Variants in CSMD1 observed in about 807,000 individuals in gnomAD.
CSMD1 encodes the protein CUB and Sushi multiple domains 1.
In CSMD1, 213 loss-of-function variants were observed where a neutral mutation model predicts 417.5. The observed-to-expected ratio is 0.51, with a 90% CI of 0.46 to 0.57. The LOEUF (loss-of-function observed/expected upper bound fraction) is 0.57, where lower values mean the gene tolerates loss of function less well. CSMD1 is among the 20% of genes least tolerant of loss of function. CSMD1 has a pLI of 0.00. For missense variants in CSMD1, 6,923 were observed against 4,529.7 expected, an observed-to-expected ratio of 1.53 and a Z score of -15.17; for synonymous variants, 2,862 against 1,736.8, an observed-to-expected ratio of 1.65 and a Z score of -16.11.
intron 1 of CSMD1, among the ~76,000 whole-genome samples, chr8:4,914,304 C>G (rs1452094345): frequency 1.3e-5 from 2 of 151,926 alleles, no homozygotes; most frequent in Admixed American, 6.6e-5. Flanking sequence ...GGGCCGGGTG[C>G]GGTGGCTCAC....
At position 3,952,685 on chromosome 8, in the gene CSMD1, T is replaced by G. The variant is rs756152416; in HGVS notation, c.818+45218A>C. On this transcript the variant is annotated intron_variant, in intron 5 of 69. Transcript: ENST00000635120. The stretch of plus-strand genomic sequence containing the variant: ...TCTGAAATCAAAGAGATATTATTGT[T>G]GCACAGCATTGTGAATACACTAGAT... Among the ~76,000 whole-genome samples, 26 of 152,344 alleles carry G rather than the reference T, an allele frequency of 1.7e-4. No homozygotes were observed. The East Asian group carries it at 1.9e-3, about 11-fold the overall frequency.
chr8:4,274,435 A>G (rs998341706), intron 3 of CSMD1, among the ~76,000 whole-genome samples: 1 of 152,144 alleles, frequency 6.6e-6, no homozygotes, highest in African/African-American at 2.4e-5. Flanking sequence ...AGAGTTGCAA[A>G]CGCATTATTG....
At chr8:4,084,178 T>C (rs568353359) in intron 3 of CSMD1, among the ~76,000 whole-genome samples, 1 of 152,292 alleles carries the variant, frequency 6.6e-6, no homozygotes, top group Non-Finnish European at 1.5e-5. Context: ...AGAGAAAGAA[T>C]TTTAAAATGT....
At chr8:4,590,405 G>A (rs1401724555) in intron 2 of CSMD1, among the ~76,000 whole-genome samples, 1 of 151,932 alleles carries the variant, frequency 6.6e-6, no homozygotes, top group Non-Finnish European at 1.5e-5. Context: ...AGGACTTTGG[G>A]CTTATTAATT....
chr8:4,648,768 G>A (rs79191260), intron 1 of CSMD1, among the ~76,000 whole-genome samples: 2 of 152,184 alleles, frequency 1.3e-5, no homozygotes, highest in East Asian at 3.9e-4. Context: ...ACTCCATTAT[G>A]TTGGAGTTGA....
rs868133734 is a variant in CSMD1 at position 4,144,276 on chromosome 8, C to T, written c.416-112177G>A. Among the ~76,000 whole-genome samples the T allele has an allele frequency of 1.1e-4, 17 of 150,972 alleles. 1 individual carries two copies. Among genetic ancestry groups the T allele is most frequent in the African/African-American group, 4.2e-4 (17 of 40,310 alleles). On this transcript the variant is annotated intron_variant, in intron 3 of 69. Coordinates refer to ENST00000635120, the MANE Select transcript of CSMD1 (RefSeq NM_033225.6). ...TGCCTCAAGACCTTATTCTGCCTCA[C>T]ACTCACCCCACTTAAACAGGATACC...
intron 18 of CSMD1, among the ~76,000 whole-genome samples, chr8:3,384,715 T>TA (rs1429141278): frequency 1.4e-4 from 9 of 63,740 alleles, no homozygotes; most frequent in Non-Finnish European, 2.0e-4. Flanking sequence ...TATAAATATA[T>TA]TTATAATATT....
chr8:3,602,748 C>CAG (rs1491034135), intron 8 of CSMD1, among the ~76,000 whole-genome samples: 2 of 145,336 alleles, frequency 1.4e-5, no homozygotes, highest in African/African-American at 5.2e-5. Context: ...CACACACACA[C>CAG]AGAAAAAGTG....
chr8:3,679,220 A>G (rs1341594358), intron 7 of CSMD1, among the ~76,000 whole-genome samples: 3 of 152,222 alleles, frequency 2.0e-5, no homozygotes, highest in Non-Finnish European at 2.9e-5. Context: ...AAATGCTCCA[A>G]TTACAAGACG....
chr8:4,991,391 T>A (rs1811454805), intron 1 of CSMD1, among the ~76,000 whole-genome samples: 2 of 152,186 alleles, frequency 1.3e-5, no homozygotes, highest in African/African-American at 4.8e-5. Flanking sequence ...TACAGCACCA[T>A]CAGCTGAAGC....
intron 1 of CSMD1, among the ~76,000 whole-genome samples, chr8:4,781,725 C>T (rs529117728): frequency 1.3e-5 from 2 of 152,266 alleles, no homozygotes; most frequent in Non-Finnish European, 2.9e-5. Flanking sequence ...TCTGGGAACA[C>T]TAGAAATGCT....
At chr8:3,075,859 G>T (rs1813628258) in intron 49 of CSMD1, among the ~76,000 whole-genome samples, 1 of 150,732 alleles carries the variant, frequency 6.6e-6, no homozygotes, top group African/African-American at 2.4e-5. Context: ...GGGTAACATG[G>T]GGAAACACTG....
At chr8:3,445,867 G>A (rs1286842977) in intron 12 of CSMD1, among the ~76,000 whole-genome samples, 1 of 152,144 alleles carries the variant, frequency 6.6e-6, no homozygotes, top group Non-Finnish European at 1.5e-5. Flanking sequence ...AAGATGGTAT[G>A]TTATAGAAAT....
At chr8:4,227,494 G>C (rs1370526645) in intron 3 of CSMD1, among the ~76,000 whole-genome samples, 1 of 152,064 alleles carries the variant, frequency 6.6e-6, no homozygotes, top group Non-Finnish European at 1.5e-5. Context: ...TGCCCTTGAG[G>C]CTGGAGGAGC....
chr8:3,332,661 G>A (rs188545585), intron 23 of CSMD1, among the ~76,000 whole-genome samples: 1 of 152,260 alleles, frequency 6.6e-6, no homozygotes, highest in Admixed American at 6.5e-5. Flanking sequence ...CTTCAAGTGT[G>A]TGTGGGAGTG....
chr8:4,878,463 G>T (rs1803186115), intron 1 of CSMD1, among the ~76,000 whole-genome samples: 1 of 151,842 alleles, frequency 6.6e-6, no homozygotes, highest in African/African-American at 2.4e-5. Flanking sequence ...GAGGAAGGTA[G>T]GTAGAGGTAA....
intron 3 of CSMD1, among the ~76,000 whole-genome samples, chr8:4,176,688 T>A (rs1051765566): frequency 6.6e-6 from 1 of 150,744 alleles, no homozygotes; most frequent in Non-Finnish European, 1.5e-5. Flanking sequence ...GAAAGCCATC[T>A]CACGTGCAGA....
At chr8:4,579,699 A>C (rs1443799983) in intron 2 of CSMD1, among the ~76,000 whole-genome samples, 1 of 152,236 alleles carries the variant, frequency 6.6e-6, no homozygotes. Context: ...GAAGCAAAAT[A>C]TTCTGGAAAC....
intron 7 of CSMD1, among the ~76,000 whole-genome samples, chr8:3,625,013 C>T (rs144770081): frequency 6.6e-6 from 1 of 151,994 alleles, no homozygotes; most frequent in Non-Finnish European, 1.5e-5. Context: ...TTTCTTGCAG[C>T]CATAAGAGGA....
Sources: gnomAD v4.1 joint callset for allele counts (sites outside exome capture counted in the v4.1 genomes callset) on GRCh38, gnomAD v4.1.1 for gene constraint, MANE v1.5 for transcripts, NCBI Gene and HGNC (gene_info 2026-07-23, HGNC 2026-07-21) for gene names.